The following PTPRD variants were observed in gnomAD, a reference collection of about 807,000 sequenced individuals.
PTPRD encodes protein tyrosine phosphatase receptor type D, also known as receptor-type tyrosine-protein phosphatase delta.
PTPRD carries 34 observed loss-of-function variants against 214.5 expected under a neutral mutation model. The ratio of observed to expected loss-of-function variants is 0.16; its 90% CI spans 0.12 to 0.21. PTPRD has a LOEUF of 0.21. Among genes scored for constraint, PTPRD ranks in the 10% least tolerant of loss-of-function variants. The probability of loss-of-function intolerance (pLI) is 1.00; values close to 1 mark genes in which losing one functional copy is unlikely to be tolerated. For synonymous variants in PTPRD, 1,128 were observed against 845.7 expected (o/e 1.33, Z -5.79); for missense variants, 2,545 against 2,398.7 (o/e 1.06, Z -1.27).
intron 10 of PTPRD, among the ~76,000 whole-genome samples, chr9:9,126,362 A>G (rs1386921579): frequency 3.3e-5 from 5 of 152,218 alleles, no homozygotes; most frequent in Non-Finnish European, 7.3e-5. Flanking sequence ...ATAGGCCATA[A>G]TATTTGAATA....
intron 11 of PTPRD, among the ~76,000 whole-genome samples, chr9:9,003,965 C>G (rs75624197): frequency 0.032 from 4,900 of 152,120 alleles, 260 homozygotes; most frequent in African/African-American, 0.11. Context: ...CCTAAACGAA[C>G]TCAATCTCTG....
rs1054255525 is a variant in PTPRD at position 9,111,253 on chromosome 9, T to G, written c.-143+72051A>C. ...AAGTGTTCAAACCAGTGGAAATACC[T>G]TTTTTTTTTTTTTTTGATAGCTTCT... On this transcript the variant is annotated intron_variant, in intron 10 of 45. Transcript: ENST00000381196. Among the ~76,000 whole-genome samples, 5 of 88,556 alleles carry G rather than the reference T, an allele frequency of 5.6e-5. No homozygotes were observed. The South Asian group carries it at 1.7e-3, about 31-fold the overall frequency. The allele number at this position is 88,556 out of a possible 152,430, so 58.1% of individuals were successfully genotyped here. A position where few individuals can be genotyped will look rare whatever the true frequency, so the allele number is the denominator to read the frequency against.
At chr9:8,321,706 A>AAG (rs1828424565) in intron 44 of PTPRD, among the ~76,000 whole-genome samples, 2 of 151,712 alleles carry the variant, frequency 1.3e-5, no homozygotes, top group Admixed American at 1.3e-4. Flanking sequence ...AGATTATTTT[A>AAG]GAAAAGTTTA....
chr9:9,590,973 C>G (rs1592372012), intron 7 of PTPRD, among the ~76,000 whole-genome samples: 1 of 151,928 alleles, frequency 6.6e-6, no homozygotes, highest in East Asian at 1.9e-4. Flanking sequence ...ATTTTGGTAT[C>G]TTAATTAGAA....
intron 11 of PTPRD, among the ~76,000 whole-genome samples, chr9:8,994,255 C>T (rs1334267483): frequency 2.0e-5 from 3 of 151,974 alleles, no homozygotes; most frequent in African/African-American, 7.2e-5. Flanking sequence ...GAAATTCTAC[C>T]AAATAGGGAT....
intron 5 of PTPRD, among the ~76,000 whole-genome samples, chr9:9,840,501 A>C (rs1416607911): frequency 6.6e-6 from 1 of 152,152 alleles, no homozygotes; most frequent in East Asian, 1.9e-4. Context: ...GCCTGAGTTT[A>C]TTCTTACATT....
chr9:8,857,328 C>G (rs1353424101), intron 11 of PTPRD, among the ~76,000 whole-genome samples: 1 of 152,188 alleles, frequency 6.6e-6, no homozygotes, highest in Non-Finnish European at 1.5e-5. Flanking sequence ...CAATACTACG[C>G]CCACCCTAGG....
chr9:9,267,087 A>C (rs1162383137), intron 9 of PTPRD, among the ~76,000 whole-genome samples: 5 of 151,324 alleles, frequency 3.3e-5, no homozygotes, highest in African/African-American at 9.7e-5. Flanking sequence ...TAAATGTTTT[A>C]AATGCTAATT....
intron 12 of PTPRD, among the ~76,000 whole-genome samples, chr9:8,639,463 G>GT (rs2096526680): frequency 6.6e-6 from 1 of 152,138 alleles, no homozygotes; most frequent in African/African-American, 2.4e-5. Context: ...AAAATACATT[G>GT]TAAGAGCCCA....
At chr9:10,151,186 G>A (rs894890623) in intron 3 of PTPRD, among the ~76,000 whole-genome samples, 2 of 143,742 alleles carry the variant, frequency 1.4e-5, no homozygotes, top group African/African-American at 5.2e-5. Context: ...TCAGCCTCCC[G>A]AGTAGCTGGG....
Position 8,919,964 on chromosome 9 carries a change from G to A in PTPRD, c.-104+98733C>T, listed in dbSNP as rs567574703. Among the ~76,000 whole-genome samples, 95 of 147,996 alleles carry A rather than the reference G, an allele frequency of 6.4e-4. 1 individual carries two copies. Among genetic ancestry groups the A allele is most frequent in the African/African-American group, 2.3e-3 (94 of 41,106 alleles). ...CATGTACACATGTATGTATACGTGT[G>A]TATGCATGTATTGTCTTGTTACAAT... On this transcript the variant is annotated intron_variant, in intron 11 of 45. Coordinates refer to ENST00000381196, the MANE Select transcript of PTPRD (RefSeq NM_002839.4).
At chr9:9,042,616 T>C (rs1326822304) in intron 10 of PTPRD, among the ~76,000 whole-genome samples, 2 of 45,836 alleles carry the variant, frequency 4.4e-5, no homozygotes, top group Admixed American at 3.4e-4. Context: ...TTTTTTTTCT[T>C]TTCTTTTTTT....
intron 39 of PTPRD, among the ~76,000 whole-genome samples, chr9:8,368,324 C>A (rs1404207638): frequency 6.6e-6 from 1 of 152,116 alleles, no homozygotes; most frequent in Non-Finnish European, 1.5e-5. Flanking sequence ...TTATCATAAA[C>A]ATCAAATAAA....
intron 8 of PTPRD, among the ~76,000 whole-genome samples, chr9:9,404,623 G>A (rs2072494285): frequency 6.6e-6 from 1 of 152,042 alleles, no homozygotes; most frequent in African/African-American, 2.4e-5. Context: ...CATTTTAAGT[G>A]GGACATATAT....
intron 2 of PTPRD, among the ~76,000 whole-genome samples, chr9:10,549,940 C>T (rs2060951496): frequency 6.6e-6 from 1 of 152,082 alleles, no homozygotes; most frequent in South Asian, 2.1e-4. Flanking sequence ...TTGTGTTACC[C>T]ATCCTCATCT....
At chr9:8,896,726 C>G (rs1039351663) in intron 11 of PTPRD, among the ~76,000 whole-genome samples, 7 of 152,062 alleles carry the variant, frequency 4.6e-5, no homozygotes, top group Non-Finnish European at 8.8e-5. Flanking sequence ...TACGTAACTC[C>G]CAGAAAGATT....
At chr9:9,695,874 C>A (rs931191886) in intron 7 of PTPRD, among the ~76,000 whole-genome samples, 1 of 151,978 alleles carries the variant, frequency 6.6e-6, no homozygotes, top group African/African-American at 2.4e-5. Context: ...TATATAGCAT[C>A]CTTGTCTGGG....
intron 35 of PTPRD, among the ~76,000 whole-genome samples, chr9:8,427,842 G>A (rs6477305): frequency 0.43 from 64,817 of 151,406 alleles, 14,337 homozygotes; most frequent in East Asian, 0.61. Context: ...GCATCGTGCA[G>A]TTATAGGGGT....
rs1242633322 is a variant in PTPRD at position 8,466,739 on chromosome 9, C to T, written c.3505-1064G>A. Among the ~76,000 whole-genome samples the T allele has an allele frequency of 2.0e-5, 3 of 151,658 alleles. No homozygotes were observed. In the East Asian group the frequency reaches 5.8e-4, roughly 29 times the overall value. ...ATAGAAAAGTCTATGTATTTGAGGA[C>T]AAACTGGAAAAAGGAATGAACCTTG... On this transcript the variant is annotated intron_variant, in intron 31 of 45. Transcript: ENST00000381196.
Sources: allele counts gnomAD v4.1 joint callset (sites outside exome capture counted in the v4.1 genomes callset), GRCh38; gene constraint gnomAD v4.1.1; transcripts MANE v1.5; gene names NCBI Gene and HGNC (gene_info 2026-07-23, HGNC 2026-07-21).